The following POLR1A variants were observed in gnomAD, a reference collection of about 807,000 sequenced individuals.
POLR1A encodes the protein DNA-directed RNA polymerase I subunit RPA1.
A neutral mutation model predicts 205.3 loss-of-function variants in POLR1A; 84 were observed. The ratio of observed to expected loss-of-function variants is 0.41; its 90% CI spans 0.34 to 0.49. POLR1A has a LOEUF of 0.49. Ranked by LOEUF, POLR1A falls within the 20% of genes least tolerant of loss-of-function variation. POLR1A has a pLI of 0.22. For synonymous variants in POLR1A, 799 were observed against 863.7 expected (o/e 0.93, Z 1.31); for missense variants, 1,645 against 2,204.5 (o/e 0.75, Z 5.08).
intron 24 of POLR1A, among the ~76,000 whole-genome samples, chr2:86,040,856 C>T (rs1453228394): frequency 3.3e-5 from 5 of 152,098 alleles, no homozygotes; most frequent in Admixed American, 2.6e-4. Context: ...TTACCACAAG[C>T]CCCCTAAGCA....
intron 14 of POLR1A, among the ~76,000 whole-genome samples, chr2:86,064,136 T>C (rs1673047068): frequency 6.6e-6 from 1 of 152,228 alleles, no homozygotes. Context: ...TGAGATTTTT[T>C]AGTGTGTCTC....
At chr2:86,088,974 A>C (rs1573832882) in intron 4 of POLR1A, 104 bp from the exon 5 acceptor site, 2 of 729,696 alleles carry the variant, frequency 2.7e-6, no homozygotes, top group Non-Finnish European at 4.5e-6. Context: ...CAGCGGAAAC[A>C]CCCCCACCAC....
Position 86,099,958 on chromosome 2 carries a change from C to G in POLR1A, c.282+10G>C. On this transcript the variant is annotated intron_variant, in intron 2 of 33. Coordinates refer to ENST00000263857, the MANE Select transcript of POLR1A (RefSeq NM_015425.6). The stretch of plus-strand genomic sequence containing the variant: ...AGCCCGGAGACCCACACAACTAAGG[C>G]AGCACTTACATCGAAGAGGAGAGGG... The G allele has an allele frequency of 6.2e-7, 1 of 1,611,282 alleles. No homozygotes were observed. The highest frequency in any genetic ancestry group is 8.5e-7 in the Non-Finnish European group (1 of 1,177,672).
chr2:86,029,511 C>T (rs1672341002), intron 31 of POLR1A, among the ~76,000 whole-genome samples: 3 of 152,160 alleles, frequency 2.0e-5, no homozygotes, highest in Middle Eastern at 6.8e-3. Context: ...CCTGGGACCC[C>T]CTTTACCAGA....
At chr2:86,040,224 G>A (rs1158853804) in intron 25 of POLR1A, 168 bp downstream of exon 25, 1 of 519,834 alleles carries the variant, frequency 1.9e-6, no homozygotes, top group Non-Finnish European at 3.2e-6. Context: ...AAACCAGCTG[G>A]GCTCTGGAAA....
Position 86,030,106 on chromosome 2 carries a change from C to T in POLR1A, c.4779+90G>A, listed in dbSNP as rs547666685. The T allele has an allele frequency of 7.0e-5, 74 of 1,062,920 alleles. 1 individual carries two copies. The highest frequency in any genetic ancestry group is 4.9e-4 in the Middle Eastern group (2 of 4,086). 65.8% of individuals were successfully genotyped at this position (1,062,920 alleles called of 1,614,324 possible). A position where few individuals can be genotyped will look rare whatever the true frequency, so the allele number is the denominator to read the frequency against. ...GCTCAGGAAGGGCCAGAGTAAATCGCGTAGAGCGAGCCTCCCAGTGGCTGG... is the reference window on the plus strand; with the variant it reads ...GCTCAGGAAGGGCCAGAGTAAATCGTGTAGAGCGAGCCTCCCAGTGGCTGG... On this transcript the variant is annotated intron_variant, in intron 31 of 33. Coordinates refer to ENST00000263857, the MANE Select transcript of POLR1A (RefSeq NM_015425.6).
intron 3 of POLR1A, among the ~76,000 whole-genome samples, chr2:86,093,444 T>TA (rs1017976908): frequency 3.3e-5 from 5 of 152,210 alleles, no homozygotes; most frequent in African/African-American, 1.2e-4. Context: ...ATGACCGTGA[T>TA]ACGATCATCA....
chr2:86,047,105 G>T, intron 19 of POLR1A, 60 bp downstream of exon 19: 1 of 1,141,264 alleles, frequency 8.8e-7, no homozygotes, highest in Non-Finnish European at 1.3e-6. Context: ...ACCACCTCCT[G>T]CTATCCCCCA....
In POLR1A at chr2:86,031,383, G is replaced by T; in HGVS notation, c.4525C>A (p.His1509Asn). ...TACTGGTAGTCATCTATGAACGGGT[G>T]GATCTCACGCACAGCCTGGACCCGG... ...ERRVQAVREI[H>N]PFIDDYQYDT... The change falls in exon 30 of 34, where the codon CAC becomes AAC. Residue 1509 changes from histidine (H) to asparagine (N), a missense_variant. Physicochemically the swap from His to Asn is moderately conservative, Grantham distance 68 (BLOSUM62 1). This residue lies in a region of POLR1A where 394 missense variants were observed against 468.5 expected (regional missense o/e 0.84). Coordinates refer to ENST00000263857, the MANE Select transcript of POLR1A (RefSeq NM_015425.6). 1.2e-6 allele frequency: 2 copies of T among 1,605,026 alleles called. No individual in the cohort carries two copies. The highest frequency in any genetic ancestry group is 1.7e-6 in the Non-Finnish European group (2 of 1,174,180).
chr2:86,077,809 G>A lies in POLR1A; in HGVS notation c.1380+50C>T, dbSNP rs975149647. 12 of 1,302,332 alleles carry A rather than the reference G, an allele frequency of 9.2e-6. No individual in the cohort carries two copies. In the African/African-American group the frequency reaches 1.4e-4, roughly 15 times the overall value. The allele number at this position is 1,302,332 out of a possible 1,614,324, so 80.7% of individuals were successfully genotyped here. ...GAGCAAATGAGCCCTGCACGCGCGCGCGCACACACACACACACACACACAC... is the reference window on the plus strand; with the variant it reads ...GAGCAAATGAGCCCTGCACGCGCGCACGCACACACACACACACACACACAC... On this transcript the variant is annotated intron_variant, in intron 11 of 33. Transcript: ENST00000263857.
chr2:86,057,104 G>A (rs1248989354), intron 14 of POLR1A, among the ~76,000 whole-genome samples: 1 of 152,162 alleles, frequency 6.6e-6, no homozygotes, highest in Non-Finnish European at 1.5e-5. Context: ...AAACCTTCTG[G>A]AAATGATTCA....
At chr2:86,054,053 T>C in intron 15 of POLR1A, 87 bp downstream of exon 15, 2 of 1,312,012 alleles carry the variant, frequency 1.5e-6, no homozygotes, top group Non-Finnish European at 2.2e-6. Context: ...CTTCTGTGAA[T>C]GTGCCTCCAT....
At chr2:86,037,343 AC>A (rs768229065) in intron 27 of POLR1A, among the ~76,000 whole-genome samples, 1 of 152,108 alleles carries the variant, frequency 6.6e-6, no homozygotes, top group Non-Finnish European at 1.5e-5. Context: ...CTGGCCAGTG[AC>A]CCCCGTCCAA....
rs201957767 is a variant in POLR1A, at chr2:86,032,649, T to TA, written c.4162-268dup. Among the ~76,000 whole-genome samples the TA allele has an allele frequency of 1.3e-3, 198 of 149,218 alleles. 1 individual carries two copies. The highest frequency in any genetic ancestry group is 0.01 in the Middle Eastern group (3 of 288). ...CTTGCAAAGTTTCATTCCCAAAAATTAAAAAAAAAAGTGCCAGGACTTGCT... is the reference window on the plus strand; with the variant it reads ...CTTGCAAAGTTTCATTCCCAAAAATTAAAAAAAAAAAGTGCCAGGACTTGCT... On this transcript the variant is annotated intron_variant, in intron 28 of 33. Coordinates refer to ENST00000263857, the MANE Select transcript of POLR1A (RefSeq NM_015425.6).
At chr2:86,061,436 T>A (rs1484570664) in intron 14 of POLR1A, among the ~76,000 whole-genome samples, 1 of 152,174 alleles carries the variant, frequency 6.6e-6, no homozygotes, top group African/African-American at 2.4e-5. Context: ...GAAGTGTGTA[T>A]TATTACAAGC....
chr2:86,064,801 C>T (rs188020005), intron 14 of POLR1A, among the ~76,000 whole-genome samples: 8 of 151,636 alleles, frequency 5.3e-5, no homozygotes, highest in African/African-American at 1.9e-4. Flanking sequence ...GTTGCCCAGG[C>T]AGGAGTGCAG....
At chr2:86,057,178 T>C (rs1365764655) in intron 14 of POLR1A, among the ~76,000 whole-genome samples, 1 of 152,216 alleles carries the variant, frequency 6.6e-6, no homozygotes, top group Non-Finnish European at 1.5e-5. Flanking sequence ...AACAGGAGTT[T>C]GGAACAAGTT....
intron 16 of POLR1A, among the ~76,000 whole-genome samples, chr2:86,052,013 C>T (rs1035893182): frequency 3.9e-5 from 6 of 152,206 alleles, no homozygotes; most frequent in Admixed American, 2.6e-4. Flanking sequence ...GGCACAATCT[C>T]GGCTCACTGC....
At chr2:86,034,335 T>C (rs897289706) in intron 27 of POLR1A, among the ~76,000 whole-genome samples, 4 of 152,196 alleles carry the variant, frequency 2.6e-5, no homozygotes, top group African/African-American at 4.8e-5. Flanking sequence ...GAGAACTCCC[T>C]TGGTGTGGGA....
Sources: gnomAD v4.1 joint callset for allele counts (sites outside exome capture counted in the v4.1 genomes callset) on GRCh38, gnomAD v4.1.1 for gene constraint, gnomAD v4.1.1 regional missense constraint, MANE v1.5 for transcripts, NCBI Gene and HGNC (gene_info 2026-07-23, HGNC 2026-07-21) for gene names.